The following HPSE2 variants were observed in gnomAD, a reference collection of about 807,000 sequenced individuals.
HPSE2 encodes inactive heparanase-2.
Under a neutral mutation model 60.5 loss-of-function variants are expected in HPSE2, and 38 were observed. The ratio of observed to expected loss-of-function variants is 0.63; its 90% CI spans 0.48 to 0.82. HPSE2 has a LOEUF of 0.82. Among genes scored for constraint, HPSE2 ranks in the 40% least tolerant of loss-of-function variants. The pLI, the probability that HPSE2 is intolerant of heterozygous loss-of-function variation, is 0.00. For missense variants in HPSE2, 713 were observed against 740.4 expected, an observed-to-expected ratio of 0.96 and a Z score of 0.43; for synonymous variants, 295 against 293.2, an observed-to-expected ratio of 1.01 and a Z score of -0.06.
chr10:99,084,201 C>T (rs1843242924), intron 3 of HPSE2, among the ~76,000 whole-genome samples: 1 of 152,078 alleles, frequency 6.6e-6, no homozygotes, highest in Non-Finnish European at 1.5e-5. Context: ...CAGAGTAACG[C>T]AGAACGTCAA....
rs1589934309 is a variant in HPSE2, at chr10:98,845,215, G to T, written c.611-101159C>A. Among the ~76,000 whole-genome samples, 3 of 152,298 alleles carry T rather than the reference G, an allele frequency of 2.0e-5. No individual in the cohort carries two copies. The East Asian group carries it at 5.8e-4, about 29-fold the overall frequency. The stretch of plus-strand genomic sequence containing the variant: ...AAAGCTATTTGTGAAACTAAGTTAG[G>T]AACATGGGGTAAGAGCAGGAAAGCC... On this transcript the variant is annotated intron_variant, in intron 3 of 11. Coordinates refer to ENST00000370552, the MANE Select transcript of HPSE2 (RefSeq NM_021828.5).
At chr10:99,118,730 TC>T (rs1345708317) in intron 3 of HPSE2, among the ~76,000 whole-genome samples, 1 of 151,610 alleles carries the variant, frequency 6.6e-6, no homozygotes, top group Non-Finnish European at 1.5e-5. Context: ...ATAAAGGGCA[TC>T]CCGGGCCGAG....
chr10:99,099,621 G>C (rs555314337), intron 3 of HPSE2, among the ~76,000 whole-genome samples: 1 of 152,230 alleles, frequency 6.6e-6, no homozygotes, highest in Non-Finnish European at 1.5e-5. Context: ...AAATGTCCCT[G>C]TCTGACAGCT....
At chr10:99,103,395 A>T in intron 3 of HPSE2, among the ~76,000 whole-genome samples, 1 of 152,200 alleles carries the variant, frequency 6.6e-6, no homozygotes, top group East Asian at 1.9e-4. Flanking sequence ...TGCTTCAAAG[A>T]GAATAAAATA....
chr10:98,901,082 T>C (rs1399034575), intron 3 of HPSE2, among the ~76,000 whole-genome samples: 1 of 152,168 alleles, frequency 6.6e-6, no homozygotes, highest in Non-Finnish European at 1.5e-5. Flanking sequence ...GTTACTGTGC[T>C]GAGCAAAGAC....
rs375563813 is a variant in HPSE2, at chr10:98,986,858, T to C, written c.610+157380A>G. Among the ~76,000 whole-genome samples the C allele has an allele frequency of 2.6e-3, 390 of 152,102 alleles. 3 individuals are homozygous for C. The highest frequency in any genetic ancestry group is 0.024 in the East Asian group (125 of 5,186). On this transcript the variant is annotated intron_variant, in intron 3 of 11. Transcript: ENST00000370552. Reference sequence around the variant, plus strand: ...TACAAACTACCATCAGAGAATACTATAAACACCTCTACGGAAATAAACTAG... The same window carrying C: ...TACAAACTACCATCAGAGAATACTACAAACACCTCTACGGAAATAAACTAG...
intron 3 of HPSE2, among the ~76,000 whole-genome samples, chr10:98,954,195 C>A (rs1489073883): frequency 6.6e-6 from 1 of 152,118 alleles, no homozygotes; most frequent in Non-Finnish European, 1.5e-5. Context: ...GTAGTCCCAG[C>A]TACTCAGGAG....
At chr10:99,014,685 C>A (rs879794444) in intron 3 of HPSE2, among the ~76,000 whole-genome samples, 8 of 152,108 alleles carry the variant, frequency 5.3e-5, no homozygotes, top group Non-Finnish European at 8.8e-5. Context: ...TTTTGATATG[C>A]GTTTCTCTAG....
At chr10:98,936,341 G>A (rs1421148737) in intron 3 of HPSE2, among the ~76,000 whole-genome samples, 4 of 143,846 alleles carry the variant, frequency 2.8e-5, no homozygotes. Context: ...AGTTCCAAGT[G>A]CCACTGGAGT....
intron 4 of HPSE2, among the ~76,000 whole-genome samples, chr10:98,738,990 A>G (rs1401560571): frequency 1.3e-5 from 2 of 152,236 alleles, no homozygotes; most frequent in African/African-American, 4.8e-5. Context: ...CCAAAGGATT[A>G]TAAACCATTC....
chr10:98,672,183 T>C (rs1947523878), intron 6 of HPSE2, among the ~76,000 whole-genome samples: 1 of 152,210 alleles, frequency 6.6e-6, no homozygotes, highest in African/African-American at 2.4e-5. Flanking sequence ...ACTTTGCTTC[T>C]TTTTATTTAG....
chr10:98,508,410 G>C (rs907893841), intron 9 of HPSE2, among the ~76,000 whole-genome samples: 9 of 152,164 alleles, frequency 5.9e-5, no homozygotes, highest in Non-Finnish European at 1.0e-4. Flanking sequence ...TGTTCCCCGA[G>C]GTCTAAGACT....
At chr10:98,651,570 T>A (rs1267887406) in intron 6 of HPSE2, among the ~76,000 whole-genome samples, 1 of 151,820 alleles carries the variant, frequency 6.6e-6, no homozygotes, top group Non-Finnish European at 1.5e-5. Flanking sequence ...AAATATCGTA[T>A]TTTTTTTCCC....
At chr10:99,097,419 T>C (rs1202744640) in intron 3 of HPSE2, among the ~76,000 whole-genome samples, 1 of 152,194 alleles carries the variant, frequency 6.6e-6, no homozygotes, top group Non-Finnish European at 1.5e-5. Context: ...ATTTAATGTG[T>C]TTTAGGGTTT....
At chr10:99,213,040 A>G (rs1048448934) in intron 2 of HPSE2, among the ~76,000 whole-genome samples, 23 of 152,178 alleles carry the variant, frequency 1.5e-4, no homozygotes, top group Non-Finnish European at 2.9e-5. Context: ...ATAGGACAAC[A>G]ACAGACCAAA....
intron 2 of HPSE2, among the ~76,000 whole-genome samples, chr10:99,180,618 C>G (rs980408342): frequency 6.6e-6 from 1 of 152,054 alleles, no homozygotes; most frequent in Non-Finnish European, 1.5e-5. Flanking sequence ...GGCACGGTGG[C>G]TCATGCCTGT....
intron 6 of HPSE2, among the ~76,000 whole-genome samples, chr10:98,662,515 T>C (rs1228839734): frequency 1.3e-5 from 2 of 152,102 alleles, no homozygotes; most frequent in Non-Finnish European, 1.5e-5. Flanking sequence ...TGAGACCACA[T>C]GGACACAAAG....
At chr10:98,719,354 G>T (rs1463383112) in intron 5 of HPSE2, among the ~76,000 whole-genome samples, 1 of 152,028 alleles carries the variant, frequency 6.6e-6, no homozygotes, top group Non-Finnish European at 1.5e-5. Flanking sequence ...TTTGATAAGT[G>T]CTATAGCAGA....
intron 3 of HPSE2, among the ~76,000 whole-genome samples, chr10:98,837,817 T>A (rs1008865640): frequency 6.7e-6 from 1 of 150,322 alleles, no homozygotes; most frequent in African/African-American, 2.4e-5. Flanking sequence ...GAGCTTACAG[T>A]GAGCCGAGAT....
Sources: gnomAD v4.1 joint callset for allele counts (sites outside exome capture counted in the v4.1 genomes callset) on GRCh38, gnomAD v4.1.1 for gene constraint, MANE v1.5 for transcripts, NCBI Gene and HGNC (gene_info 2026-07-23, HGNC 2026-07-21) for gene names.